Variants in GRB10 observed in about 807,000 individuals in gnomAD.
GRB10 encodes the protein growth factor receptor bound protein 10, also known as growth factor receptor-bound protein 10.
A neutral mutation model predicts 80.9 loss-of-function variants in GRB10; 20 were observed. That is an observed-to-expected ratio of 0.25 (90% CI 0.17 to 0.36). GRB10 has a LOEUF of 0.36. GRB10 is among the 10% of genes least tolerant of loss of function. GRB10 has a pLI of 1.00. For synonymous variants in GRB10, 291 were observed against 291.5 expected, an observed-to-expected ratio of 1.00 and a Z score of 0.02; for missense variants, 548 against 747.7, an observed-to-expected ratio of 0.73 and a Z score of 3.12.
intron 8 of GRB10, among the ~76,000 whole-genome samples, chr7:50,620,041 G>A (rs115357295): frequency 3.0e-4 from 45 of 152,338 alleles, no homozygotes; most frequent in African/African-American, 1.1e-3. Flanking sequence ...GTGGTTCCAA[G>A]TGGAGCGGGA....
chr7:50,654,050 C>A (rs1381657822), intron 7 of GRB10, among the ~76,000 whole-genome samples: 1 of 152,174 alleles, frequency 6.6e-6, no homozygotes, highest in Non-Finnish European at 1.5e-5. Context: ...GCTCAGGAAT[C>A]CCCCGCCCTC....
chr7:50,592,998 A>C lies in GRB10; in HGVS notation c.1739T>G (p.Val580Gly), dbSNP rs2045986669. 3 of 1,613,724 alleles carry C rather than the reference A, an allele frequency of 1.9e-6. No homozygotes were observed. The South Asian group carries it at 3.3e-5, about 18-fold the overall frequency. Residue 580 changes from valine to glycine, a missense_variant, in exon 19 of 19, where the codon GTC (valine) becomes GGC (glycine). Physicochemically the swap from Val to Gly is moderately radical, Grantham distance 109. Transcript: ENST00000401949. The part of the protein sequence containing the change: ...LVDFYQLNKG[V>G]LPCKLKHHCI... ...GTGGTGCTTGAGTTTGCAAGGCAGG[A>C]CTCCTTTGTTCAGCTGGTAAAAGTC... is the stretch of plus-strand genomic sequence containing the variant.
At chr7:50,629,911 G>A (rs1361261772) in intron 7 of GRB10, among the ~76,000 whole-genome samples, 1 of 152,232 alleles carries the variant, frequency 6.6e-6, no homozygotes, top group Non-Finnish European at 1.5e-5. Flanking sequence ...TCTCGAGCAG[G>A]TCAAGGCCCT....
Position 50,649,683 on chromosome 7 carries a change from G to A in GRB10, c.504+20039C>T, listed in dbSNP as rs190423209. ...TGAGCAGGAGACAGGCTGCTGTGTCGTCCCAGGCTGGGACTGGAGATGGCA... is the reference window on the plus strand; with the variant it reads ...TGAGCAGGAGACAGGCTGCTGTGTCATCCCAGGCTGGGACTGGAGATGGCA... On this transcript the variant is annotated intron_variant, in intron 7 of 18. Coordinates refer to ENST00000401949, the MANE Select transcript of GRB10 (RefSeq NM_001350814.2). Among the ~76,000 whole-genome samples the A allele has an allele frequency of 6.8e-4, 103 of 152,150 alleles. No individual in the cohort carries two copies. The South Asian group carries it at 0.01, about 15-fold the overall frequency.
intron 7 of GRB10, among the ~76,000 whole-genome samples, chr7:50,661,006 T>A (rs549141913): frequency 6.6e-6 from 1 of 152,124 alleles, no homozygotes; most frequent in Admixed American, 6.5e-5. Context: ...GTGCTAAGAG[T>A]AACAGGGCTT....
chr7:50,741,117 T>C (rs577382204), intron 3 of GRB10, among the ~76,000 whole-genome samples: 1 of 152,220 alleles, frequency 6.6e-6, no homozygotes, highest in South Asian at 2.1e-4. Flanking sequence ...AGTTTACACT[T>C]CAATAAAAAG....
intron 3 of GRB10, among the ~76,000 whole-genome samples, chr7:50,737,533 A>C (rs905515432): frequency 1.3e-5 from 2 of 152,206 alleles, no homozygotes; most frequent in Non-Finnish European, 2.9e-5. Context: ...ACCTAGTCTC[A>C]GGTAGTTCTT....
At chr7:50,679,982 C>T (rs1223506175) in intron 5 of GRB10, among the ~76,000 whole-genome samples, 1 of 152,208 alleles carries the variant, frequency 6.6e-6, no homozygotes, top group African/African-American at 2.4e-5. Flanking sequence ...GTATTCTAGT[C>T]ACATGCACTT....
At chr7:50,758,668 G>A (rs537626553) in intron 2 of GRB10, among the ~76,000 whole-genome samples, 3 of 152,188 alleles carry the variant, frequency 2.0e-5, no homozygotes, top group African/African-American at 7.2e-5. Context: ...TCTCAGAAGG[G>A]GACAGAATAC....
intron 2 of GRB10, among the ~76,000 whole-genome samples, chr7:50,759,392 T>C (rs2075488577): frequency 1.3e-5 from 2 of 152,008 alleles, no homozygotes; most frequent in South Asian, 2.1e-4. Context: ...GCCAACATCA[T>C]CTCTCAGCAC....
At chr7:50,610,437 C>T (rs1353210596) in intron 13 of GRB10, among the ~76,000 whole-genome samples, 5 of 152,306 alleles carry the variant, frequency 3.3e-5, no homozygotes, top group South Asian at 2.1e-4. Flanking sequence ...GTACCTAAGA[C>T]GTATCCTTAA....
At chr7:50,677,116 GCAGGGCC>G (rs2061042053) in intron 5 of GRB10, among the ~76,000 whole-genome samples, 1 of 152,216 alleles carries the variant, frequency 6.6e-6, no homozygotes, top group African/African-American at 2.4e-5. Flanking sequence ...GACGCAGCAA[GCAGGGCC>G]CTGTGTGCCC....
intron 14 of GRB10, 25 bp from the exon 15 acceptor site, chr7:50,605,431 T>C (rs1410777120): frequency 3.2e-6 from 5 of 1,567,070 alleles, no homozygotes; most frequent in Non-Finnish European, 4.4e-6. Context: ...CCGCAGTTCT[T>C]AAAATGCAGG....
intron 4 of GRB10, among the ~76,000 whole-genome samples, chr7:50,724,841 A>G (rs973902863): frequency 6.6e-6 from 1 of 152,222 alleles, no homozygotes; most frequent in Non-Finnish European, 1.5e-5. Flanking sequence ...TCTTCTGACC[A>G]CAGATAAACA....
At chr7:50,746,758 C>T (rs2072984991) in intron 3 of GRB10, among the ~76,000 whole-genome samples, 1 of 152,156 alleles carries the variant, frequency 6.6e-6, no homozygotes, top group East Asian at 1.9e-4. Context: ...ACCCATATCA[C>T]TTCAGGGCCT....
intron 2 of GRB10, among the ~76,000 whole-genome samples, chr7:50,769,331 T>C (rs1012968090): frequency 2.6e-5 from 4 of 152,234 alleles, no homozygotes; most frequent in Admixed American, 2.6e-4. Flanking sequence ...GTCAGGAATC[T>C]GACCAGAGCC....
At chr7:50,744,943 C>T (rs2153698279) in intron 3 of GRB10, among the ~76,000 whole-genome samples, 1 of 152,246 alleles carries the variant, frequency 6.6e-6, no homozygotes, top group South Asian at 2.1e-4. Context: ...CAAATGGCTC[C>T]ATGTATGGTC....
intron 7 of GRB10, among the ~76,000 whole-genome samples, chr7:50,657,503 A>G (rs989336696): frequency 2.6e-5 from 4 of 152,190 alleles, no homozygotes; most frequent in East Asian, 1.9e-4. Flanking sequence ...GCGCCGGTAC[A>G]TGGTGTTCCC....
chr7:50,765,854 C>G (rs995082966), intron 2 of GRB10, among the ~76,000 whole-genome samples: 1 of 152,078 alleles, frequency 6.6e-6, no homozygotes, highest in African/African-American at 2.4e-5. Context: ...AAAGTTAAGA[C>G]AAATATTTAA....
Sources: gnomAD v4.1 joint callset for allele counts (sites outside exome capture counted in the v4.1 genomes callset) on GRCh38, gnomAD v4.1.1 for gene constraint, MANE v1.5 for transcripts, NCBI Gene and HGNC (gene_info 2026-07-23, HGNC 2026-07-21) for gene names.